The following RPS6KA2 variants were observed in gnomAD, a reference collection of about 807,000 sequenced individuals.
The protein encoded by RPS6KA2 is ribosomal protein S6 kinase alpha-2.
In RPS6KA2, 42 loss-of-function variants were observed where a neutral mutation model predicts 91.8. That is an observed-to-expected ratio of 0.46 (90% CI 0.36 to 0.59). The LOEUF is 0.59. Ranked by LOEUF, RPS6KA2 falls within the 20% of genes least tolerant of loss-of-function variation. RPS6KA2 has a pLI of 0.00. For synonymous variants in RPS6KA2, 414 were observed against 393.6 expected (o/e 1.05, Z -0.61); for missense variants, 798 against 978.5 (o/e 0.82, Z 2.46).
At chr6:166,699,397 C>T (rs1300912407) in intron 2 of RPS6KA2, among the ~76,000 whole-genome samples, 1 of 152,058 alleles carries the variant, frequency 6.6e-6, no homozygotes, top group Admixed American at 6.5e-5. Context: ...ACAAAAAAAA[C>T]TTGCTTTCTG....
intron 2 of RPS6KA2, among the ~76,000 whole-genome samples, chr6:166,844,903 A>G (rs1780570166): frequency 6.6e-6 from 1 of 152,250 alleles, no homozygotes; most frequent in Non-Finnish European, 1.5e-5. Context: ...GGCAACAAAT[A>G]GCACAATGAA....
chr6:166,434,303 G>A lies in RPS6KA2; in HGVS notation c.1333-1813C>T, dbSNP rs1466608068. On this transcript the variant is annotated intron_variant, in intron 14 of 20. Coordinates refer to ENST00000265678, the MANE Select transcript of RPS6KA2 (RefSeq NM_021135.6). This position sits in a 1 kb window ranked among gnomAD's most constrained non-coding sequence, Gnocchi z 4.4. ...GTTGTAAACAGGCAGAAGAGTTAGG[G>A]TCCCTTTCTGGACATAGAATTTCTC... Among the ~76,000 whole-genome samples the A allele has an allele frequency of 2.0e-5, 3 of 152,228 alleles. No individual in the cohort carries two copies. Among genetic ancestry groups the A allele is most frequent in the African/African-American group, 4.8e-5 (2 of 41,458 alleles).
chr6:166,498,791 G>A (rs1329695468), intron 7 of RPS6KA2, 141 bp from the exon 8 acceptor site: 11 of 1,091,140 alleles, frequency 1.0e-5, no homozygotes, highest in Non-Finnish European at 1.3e-5. Context: ...GCAAAAGCGG[G>A]ACCATGTGAG....
chr6:166,773,640 T>C (rs904054373), intron 2 of RPS6KA2, among the ~76,000 whole-genome samples: 3 of 152,204 alleles, frequency 2.0e-5, no homozygotes, highest in South Asian at 4.1e-4. Context: ...CCTCAGGTGA[T>C]CTGCCTGCTT....
chr6:166,765,489 T>C, intron 2 of RPS6KA2, among the ~76,000 whole-genome samples: 1 of 152,188 alleles, frequency 6.6e-6, no homozygotes, highest in East Asian at 1.9e-4. Context: ...ACGGGCGCAG[T>C]GTGCTCCAAG....
In RPS6KA2 at chr6:166,665,941, C is replaced by A. The variant is rs972197626; in HGVS notation, c.124-127157G>T. Among the ~76,000 whole-genome samples the A allele has an allele frequency of 1.3e-5, 2 of 152,124 alleles. No homozygotes were observed. The highest frequency in any genetic ancestry group is 4.8e-5 in the African/African-American group (2 of 41,410). On this transcript the variant is annotated intron_variant, in intron 2 of 21. Transcript: ENST00000503859. The surrounding 1 kb of genome is among the most constrained non-coding windows in gnomAD (Gnocchi z 4.5). Reference sequence around the variant, plus strand: ...ATCCAGTTTCTGAGAGGCTCAGGAGCCTTCTTTGACATCATGATGATGAAC... The same window carrying A: ...ATCCAGTTTCTGAGAGGCTCAGGAGACTTCTTTGACATCATGATGATGAAC...
intron 2 of RPS6KA2, among the ~76,000 whole-genome samples, chr6:166,711,794 G>A (rs10946181): frequency 4.9e-4 from 8 of 16,418 alleles, no homozygotes; most frequent in Non-Finnish European, 1.5e-3. Context: ...AAGAGAGAGA[G>A]AGAGAGAGAC....
chr6:166,842,914 A>C (rs1402928032), intron 2 of RPS6KA2, among the ~76,000 whole-genome samples: 1 of 152,140 alleles, frequency 6.6e-6, no homozygotes, highest in African/African-American at 2.4e-5. Flanking sequence ...CCTTTGAAGG[A>C]ACTTTATCGC....
intron 16 of RPS6KA2, among the ~76,000 whole-genome samples, chr6:166,424,343 A>T (rs1778835170): frequency 6.6e-6 from 1 of 152,184 alleles, no homozygotes; most frequent in African/African-American, 2.4e-5. Context: ...TTAATGCTCA[A>T]GACTGGGTGA....
Position 166,770,848 on chromosome 6 carries a change from A to G in RPS6KA2, c.123+87352T>C. On this transcript the variant is annotated intron_variant, in intron 2 of 21. Transcript: ENST00000503859. The surrounding 1 kb of genome is among the most constrained non-coding windows in gnomAD (Gnocchi z 5.1). Reference sequence around the variant, plus strand: ...TAAGCATGGAAAAAAACAAACCCACAGGAACGCTTCTTACCTCTACGGATC... The same window carrying G: ...TAAGCATGGAAAAAAACAAACCCACGGGAACGCTTCTTACCTCTACGGATC... The G allele has an allele frequency of 6.3e-7, 1 of 1,582,994 alleles. No individual in the cohort carries two copies. Among genetic ancestry groups the G allele is most frequent in the Non-Finnish European group, 8.5e-7 (1 of 1,175,844 alleles).
intron 2 of RPS6KA2, among the ~76,000 whole-genome samples, chr6:166,774,569 C>G (rs965572948): frequency 5.3e-5 from 8 of 152,252 alleles, no homozygotes; most frequent in Middle Eastern, 6.8e-3. Flanking sequence ...GGAGCTCAGC[C>G]TCCCAAGCAG....
chr6:166,813,093 C>G (rs564299526), intron 2 of RPS6KA2, among the ~76,000 whole-genome samples: 1 of 152,044 alleles, frequency 6.6e-6, no homozygotes, highest in Non-Finnish European at 1.5e-5. Context: ...TGCTTCTCAC[C>G]GTGACCCAGA....
intron 2 of RPS6KA2, among the ~76,000 whole-genome samples, chr6:166,824,841 G>A (rs1780009035): frequency 1.3e-5 from 2 of 150,652 alleles, no homozygotes; most frequent in South Asian, 4.2e-4. Context: ...GTGTGTGTAT[G>A]CTTGTGTGTG....
chr6:166,578,992 T>G (rs1784924925), intron 1 of RPS6KA2, among the ~76,000 whole-genome samples: 1 of 152,146 alleles, frequency 6.6e-6, no homozygotes, highest in African/African-American at 2.4e-5. Context: ...ATATTTCACA[T>G]TTAGTGAGAA....
chr6:166,841,639 G>A lies in RPS6KA2; in HGVS notation c.123+16561C>T, dbSNP rs548390417. The stretch of plus-strand genomic sequence containing the variant: ...ACCCAGCCTCCAGAGGCCCACAGCC[G>A]AAGGCCTGCAGAGGCTGAGTCAGAA... On this transcript the variant is annotated intron_variant, in intron 2 of 21. Transcript: ENST00000503859. 5.2e-5 allele frequency among the ~76,000 whole-genome samples: 8 copies of A among 152,392 alleles called. No individual in the cohort carries two copies. In the East Asian group the frequency reaches 5.8e-4, roughly 11 times the overall value.
At chr6:166,734,439 C>T (rs112264328) in intron 2 of RPS6KA2, among the ~76,000 whole-genome samples, 1,759 of 152,260 alleles carry the variant, frequency 0.012, 25 homozygotes, top group African/African-American at 0.04. Flanking sequence ...AGGAAATAAA[C>T]GTAAGCTATC....
rs547088356 is a variant in RPS6KA2 at position 166,648,672 on chromosome 6, C to T, written c.124-109888G>A. On this transcript the variant is annotated intron_variant, in intron 2 of 21. Coordinates refer to the RPS6KA2 transcript ENST00000503859. The surrounding 1 kb of genome is among the most constrained non-coding windows in gnomAD (Gnocchi z 4.8). ...TGCCCTCTCTCACTAGCTGGAATCC[C>T]GTCTCCAACTCTCTGCAGCCGACTC... is the stretch of plus-strand genomic sequence containing the variant. Among the ~76,000 whole-genome samples, 30 of 152,208 alleles carry T rather than the reference C, an allele frequency of 2.0e-4. No homozygotes were observed. The South Asian group carries it at 5.2e-3, about 26-fold the overall frequency.
intron 2 of RPS6KA2, among the ~76,000 whole-genome samples, chr6:166,673,678 G>A (rs1467950333): frequency 6.6e-6 from 1 of 152,254 alleles, no homozygotes; most frequent in Non-Finnish European, 1.5e-5. Flanking sequence ...GGTCAGCTTT[G>A]AATGTGGCCC....
At chr6:166,604,472 G>A (rs989730568) in intron 1 of RPS6KA2, among the ~76,000 whole-genome samples, 30 of 152,178 alleles carry the variant, frequency 2.0e-4, no homozygotes, top group African/African-American at 6.8e-4. Context: ...CTTCCCCGCT[G>A]GGGTAACTGA....
Sources: gnomAD v4.1 joint callset for allele counts (sites outside exome capture counted in the v4.1 genomes callset) on GRCh38, gnomAD v4.1.1 for gene constraint, Gnocchi (gnomAD v3.1) non-coding constraint, MANE v1.5 for transcripts, NCBI Gene and HGNC (gene_info 2026-07-23, HGNC 2026-07-21) for gene names.